The following TMCC3 variants were observed in gnomAD, a reference collection of about 807,000 sequenced individuals.
TMCC3 encodes transmembrane and coiled-coil domain protein 3.
Under a neutral mutation model 40.2 loss-of-function variants are expected in TMCC3, and 28 were observed. The ratio of observed to expected loss-of-function variants is 0.70; its 90% CI spans 0.52 to 0.95. The LOEUF (loss-of-function observed/expected upper bound fraction) is 0.95. TMCC3 is among the 40% of genes least tolerant of loss of function. TMCC3 has a pLI of 0.00. For synonymous variants in TMCC3, 255 were observed against 248.5 expected (o/e 1.03, Z -0.25); for missense variants, 554 against 615.2 (o/e 0.90, Z 1.05).
intron 1 of TMCC3, among the ~76,000 whole-genome samples, chr12:94,607,638 T>C (rs1440680744): frequency 6.6e-6 from 1 of 152,180 alleles, no homozygotes; most frequent in Non-Finnish European, 1.5e-5. Context: ...ACTGCTGACC[T>C]CAAGTGATCT....
Position 94,581,502 on chromosome 12 carries a change from G to C in TMCC3, c.995+120C>G, listed in dbSNP as rs780622409. On this transcript the variant is annotated intron_variant, in intron 2 of 3. Transcript: ENST00000261226. ...TTTAAAAGAATGCCACACCTATCAC[G>C]TACCCACTAAGTATCCGTGGTAATA... The C allele has an allele frequency of 5.2e-6, 3 of 576,654 alleles. No individual in the cohort carries two copies. In the African/African-American group the frequency reaches 5.8e-5, roughly 11 times the overall value. 35.7% of individuals were successfully genotyped at this position (576,654 alleles called of 1,614,324 possible). A position where few individuals can be genotyped will look rare whatever the true frequency, so the allele number is the denominator to read the frequency against.
intron 1 of TMCC3, among the ~76,000 whole-genome samples, chr12:94,604,642 CAAAAAA>C (rs62951060): frequency 8.6e-5 from 10 of 116,092 alleles, no homozygotes; most frequent in African/African-American, 1.4e-4. Context: ...CCATCTCTAC[CAAAAAA>C]AAAAAAAAAA....
intron 1 of TMCC3, among the ~76,000 whole-genome samples, chr12:94,600,243 T>G (rs2068744868): frequency 8.9e-6 from 1 of 111,780 alleles, no homozygotes; most frequent in East Asian, 3.1e-4. Flanking sequence ...AATTCTGGTT[T>G]TTTTTTTTTT....
intron 1 of TMCC3, among the ~76,000 whole-genome samples, chr12:94,634,558 T>C (rs2068950430): frequency 6.6e-6 from 1 of 152,206 alleles, no homozygotes; most frequent in Admixed American, 6.5e-5. Context: ...AAAAACTTTC[T>C]TGGTATTAGA....
intron 1 of TMCC3, among the ~76,000 whole-genome samples, chr12:94,625,082 C>A (rs985380526): frequency 6.8e-6 from 1 of 147,252 alleles, no homozygotes; most frequent in Admixed American, 6.9e-5. Flanking sequence ...GCCAAGGTTG[C>A]AGTGAGCCGA....
At chr12:94,619,413 T>G (rs2068863752) in intron 1 of TMCC3, among the ~76,000 whole-genome samples, 1 of 152,218 alleles carries the variant, frequency 6.6e-6, no homozygotes, top group African/African-American at 2.4e-5. Context: ...AGTCCCTAGC[T>G]TTTTCTCTCT....
chr12:94,594,382 C>T (rs1367640925), intron 1 of TMCC3, among the ~76,000 whole-genome samples: 2 of 152,000 alleles, frequency 1.3e-5, no homozygotes, highest in East Asian at 1.9e-4. Context: ...CATGAGCCAC[C>T]GTGTCTGGCA....
At chr12:94,612,664 C>CA (rs1274467775) in intron 1 of TMCC3, among the ~76,000 whole-genome samples, 1 of 152,038 alleles carries the variant, frequency 6.6e-6, no homozygotes, top group Non-Finnish European at 1.5e-5. Context: ...GCTACAACTA[C>CA]AAAAAAGGAA....
intron 1 of TMCC3, among the ~76,000 whole-genome samples, chr12:94,596,054 A>C (rs1206897822): frequency 6.6e-6 from 1 of 152,206 alleles, no homozygotes; most frequent in African/African-American, 2.4e-5. Flanking sequence ...GTTCTCTCCC[A>C]AAGATCTTTA....
intron 1 of TMCC3, among the ~76,000 whole-genome samples, chr12:94,634,355 G>A (rs1566335768): frequency 6.6e-6 from 1 of 151,656 alleles, no homozygotes; most frequent in Non-Finnish European, 1.5e-5. Context: ...TTAATTTAAA[G>A]AAAGCCACAA....
chr12:94,578,666 C>A, intron 2 of TMCC3, 137 bp from the exon 3 acceptor site: 1 of 955,798 alleles, frequency 1.0e-6, no homozygotes, highest in East Asian at 2.7e-5. Context: ...AAGAGTAAGG[C>A]TAGCTGTGGG....
intron 1 of TMCC3, among the ~76,000 whole-genome samples, chr12:94,650,018 G>C (rs1307010653): frequency 6.6e-6 from 1 of 152,164 alleles, no homozygotes; most frequent in East Asian, 1.9e-4. Flanking sequence ...CGGGTGGCCG[G>C]GTGGCGGGAT....
chr12:94,584,384 G>A (rs914320773), intron 1 of TMCC3, among the ~76,000 whole-genome samples: 1 of 152,066 alleles, frequency 6.6e-6, no homozygotes, highest in Non-Finnish European at 1.5e-5. Context: ...AGAACCAGAG[G>A]AAGCCATGCT....
chr12:94,616,085 G>C (rs527612438), intron 1 of TMCC3: 181 of 985,254 alleles, frequency 1.8e-4, no homozygotes, highest in Non-Finnish European at 2.1e-4. Flanking sequence ...ATTATCTCGG[G>C]GTATTCCTGT....
In TMCC3 at chr12:94,571,426, C is replaced by G; in HGVS notation, c.*9G>C. Reference sequence around the variant, plus strand: ...ACTTGAAAGAACTTGAAGGCAGGAACCAGTGGCTTCATCTTGGTATTATCA... The same window carrying G: ...ACTTGAAAGAACTTGAAGGCAGGAAGCAGTGGCTTCATCTTGGTATTATCA... On this transcript the variant is annotated 3_prime_UTR_variant, in exon 4 of 4. Transcript: ENST00000261226. 1 of 1,607,294 alleles carries G rather than the reference C, an allele frequency of 6.2e-7. No homozygotes were observed. The highest frequency in any genetic ancestry group is 8.5e-7 in the Non-Finnish European group (1 of 1,174,434).
chr12:94,605,292 T>C (rs1385994736), intron 1 of TMCC3, among the ~76,000 whole-genome samples: 1 of 152,216 alleles, frequency 6.6e-6, no homozygotes, highest in African/African-American at 2.4e-5. Context: ...AGGAGGCTTA[T>C]CTTAAATACA....
intron 2 of TMCC3, among the ~76,000 whole-genome samples, chr12:94,580,380 A>T (rs2068592900): frequency 6.6e-6 from 1 of 152,230 alleles, no homozygotes; most frequent in African/African-American, 2.4e-5. Flanking sequence ...ATGACTTTGG[A>T]AAGTTCTTTA....
chr12:94,578,314 G>A (rs992685227), intron 3 of TMCC3, 80 bp downstream of exon 3: 3 of 1,510,576 alleles, frequency 2.0e-6, no homozygotes, highest in Admixed American at 2.1e-5. Context: ...CTAGGACTTA[G>A]GCATAAACAT....
At chr12:94,624,574 C>T (rs189762681) in intron 1 of TMCC3, among the ~76,000 whole-genome samples, 39 of 151,936 alleles carry the variant, frequency 2.6e-4, no homozygotes, top group African/African-American at 8.4e-4. Context: ...ATTAGCCAGG[C>T]GTGGTGGCGT....
Sources: allele counts gnomAD v4.1 joint callset (sites outside exome capture counted in the v4.1 genomes callset), GRCh38; gene constraint gnomAD v4.1.1; transcripts MANE v1.5; gene names NCBI Gene and HGNC (gene_info 2026-07-23, HGNC 2026-07-21).